The following FBN2 variants were observed in gnomAD, a reference collection of about 807,000 sequenced individuals.
FBN2 encodes the protein fibrillin 2.
In FBN2, 105 loss-of-function variants were observed where a neutral mutation model predicts 355.6. That is an observed-to-expected ratio of 0.30 (90% confidence interval 0.25 to 0.35). The LOEUF (loss-of-function observed/expected upper bound fraction) is 0.35, where lower values mean the gene tolerates loss of function less well. Ranked by LOEUF, FBN2 falls within the 10% of genes least tolerant of loss-of-function variation. FBN2 has a pLI of 1.00. For missense variants in FBN2, 3,280 were observed against 3,758.7 expected, an observed-to-expected ratio of 0.87 and a Z score of 3.33; for synonymous variants, 1,350 against 1,301.2, an observed-to-expected ratio of 1.04 and a Z score of -0.81.
intron 41 of FBN2, among the ~76,000 whole-genome samples, chr5:128,308,336 T>C (rs1749940700): frequency 6.6e-6 from 1 of 152,174 alleles, no homozygotes; most frequent in South Asian, 2.1e-4. Flanking sequence ...TTTAATTTTA[T>C]GGAACATAAT....
intron 25 of FBN2, chr5:128,339,297 T>C (rs1750934512): frequency 1.5e-5 from 7 of 466,986 alleles, no homozygotes; most frequent in Non-Finnish European, 2.8e-5. Flanking sequence ...AATTCTGAAT[T>C]GTGTATTTGT....
intron 42 of FBN2, 91 bp from the exon 43 acceptor site, chr5:128,306,039 G>T: frequency 7.7e-7 from 1 of 1,291,498 alleles, no homozygotes; most frequent in Non-Finnish European, 1.1e-6. Context: ...ACCCTGGGAT[G>T]AGTACAAATA....
At chr5:128,327,600 A>G (rs1750588581) in intron 34 of FBN2, among the ~76,000 whole-genome samples, 1 of 144,614 alleles carries the variant, frequency 6.9e-6, no homozygotes, top group South Asian at 2.2e-4. Flanking sequence ...AGGCTGCATG[A>G]CTGGAAAACT....
At chr5:128,305,743 A>G in intron 43 of FBN2, 80 bp downstream of exon 43, 1 of 1,598,388 alleles carries the variant, frequency 6.3e-7, no homozygotes, top group Non-Finnish European at 8.6e-7. Flanking sequence ...TAGAAGAAAT[A>G]GTAAAAATCA....
At chr5:128,509,864 T>C (rs530830208) in intron 5 of FBN2, among the ~76,000 whole-genome samples, 94 of 151,922 alleles carry the variant, frequency 6.2e-4, no homozygotes, top group Non-Finnish European at 1.2e-3. Flanking sequence ...TATGTGACCC[T>C]CTAATCTGGT....
intron 34 of FBN2, among the ~76,000 whole-genome samples, chr5:128,319,950 G>C (rs1359139657): frequency 6.6e-6 from 1 of 152,190 alleles, no homozygotes; most frequent in Non-Finnish European, 1.5e-5. Flanking sequence ...ATTCTAAACT[G>C]CTGTCCTCAG....
intron 48 of FBN2, 127 bp downstream of exon 48, chr5:128,300,690 C>T: frequency 2.2e-6 from 2 of 923,480 alleles, no homozygotes; most frequent in African/African-American, 1.6e-5. Context: ...CAGATGTAGG[C>T]AGCTATATGT....
At chr5:128,401,589 T>C (rs540243307) in intron 8 of FBN2, among the ~76,000 whole-genome samples, 1 of 152,242 alleles carries the variant, frequency 6.6e-6, no homozygotes, top group East Asian at 1.9e-4. Context: ...GAGACCATCC[T>C]GGCCAACATG....
At chr5:128,352,800 A>G (rs1415952688) in intron 20 of FBN2, among the ~76,000 whole-genome samples, 1 of 152,236 alleles carries the variant, frequency 6.6e-6, no homozygotes, top group Non-Finnish European at 1.5e-5. Context: ...TTGTGGCATT[A>G]AGACTTGGAA....
chr5:128,502,787 A>T (rs998895199), intron 5 of FBN2, among the ~76,000 whole-genome samples: 13 of 152,312 alleles, frequency 8.5e-5, no homozygotes, highest in Middle Eastern at 3.4e-3. Context: ...TTTTTAAAAA[A>T]TTTTGCACTA....
intron 55 of FBN2, among the ~76,000 whole-genome samples, chr5:128,286,242 G>A (rs953541678): frequency 8.5e-5 from 13 of 152,064 alleles, no homozygotes; most frequent in Non-Finnish European, 1.5e-4. Flanking sequence ...ATAATTTGTT[G>A]TATATATAAT....
intron 34 of FBN2, among the ~76,000 whole-genome samples, chr5:128,325,086 T>A (rs1009352261): frequency 6.6e-6 from 1 of 152,214 alleles, no homozygotes; most frequent in Non-Finnish European, 1.5e-5. Flanking sequence ...GTATATTTTG[T>A]TGATTTGGGG....
chr5:128,470,071 T>C (rs1313491948), intron 5 of FBN2, among the ~76,000 whole-genome samples: 3 of 152,158 alleles, frequency 2.0e-5, no homozygotes, highest in Admixed American at 1.3e-4. Flanking sequence ...GATACAGTCC[T>C]GAGGAATTTC....
chr5:128,514,885 C>T (rs1294890573), intron 5 of FBN2, among the ~76,000 whole-genome samples: 3 of 152,120 alleles, frequency 2.0e-5, no homozygotes, highest in Non-Finnish European at 1.5e-5. Context: ...TTCTTAAAAA[C>T]ATTGTTTATA....
chr5:128,455,439 G>C (rs1373728169), intron 6 of FBN2, among the ~76,000 whole-genome samples: 2 of 152,050 alleles, frequency 1.3e-5, no homozygotes, highest in African/African-American at 4.8e-5. Flanking sequence ...TTCATACCAC[G>C]CTAGGAGGGC....
intron 6 of FBN2, among the ~76,000 whole-genome samples, chr5:128,450,984 C>T (rs1754223953): frequency 6.6e-6 from 1 of 152,088 alleles, no homozygotes; most frequent in South Asian, 2.1e-4. Context: ...GACTTTTATT[C>T]ACACACATAT....
intron 51 of FBN2, among the ~76,000 whole-genome samples, chr5:128,289,499 G>C (rs1333080579): frequency 6.6e-6 from 1 of 152,088 alleles, no homozygotes; most frequent in Admixed American, 6.6e-5. Flanking sequence ...TGAGGCAGGA[G>C]AATCACTTGA....
intron 10 of FBN2, among the ~76,000 whole-genome samples, chr5:128,392,655 G>GA (rs1351034758): frequency 6.6e-6 from 1 of 152,206 alleles, no homozygotes; most frequent in African/African-American, 2.4e-5. Flanking sequence ...GGAAAGGAAA[G>GA]ATATGTACGT....
At chr5:128,447,729 T>A (rs1056701348) in intron 6 of FBN2, among the ~76,000 whole-genome samples, 1 of 152,326 alleles carries the variant, frequency 6.6e-6, no homozygotes, top group South Asian at 2.1e-4. Context: ...AAATCACTAA[T>A]AAAAACTTGC....
Sources: gnomAD v4.1 joint callset for allele counts (sites outside exome capture counted in the v4.1 genomes callset) on GRCh38, gnomAD v4.1.1 for gene constraint, MANE v1.5 for transcripts, NCBI Gene and HGNC (gene_info 2026-07-23, HGNC 2026-07-21) for gene names.